The following MACF1 variants were observed in gnomAD, a reference collection of about 807,000 sequenced individuals.
MACF1 encodes microtubule-actin cross-linking factor 1.
In MACF1, 193 loss-of-function variants were observed where a neutral mutation model predicts 854.8. The observed-to-expected ratio is 0.23, with a 90% CI of 0.20 to 0.25. The LOEUF is 0.25. MACF1 is among the 10% of genes least tolerant of loss of function. MACF1 has a pLI of 1.00. For missense variants in MACF1, 7,722 were observed against 8,929.1 expected, an observed-to-expected ratio of 0.86 and a Z score of 5.45; for synonymous variants, 3,185 against 3,226.7, an observed-to-expected ratio of 0.99 and a Z score of 0.44.
At chr1:39,396,245 A>G (rs1642266774) in intron 58 of MACF1, among the ~76,000 whole-genome samples, 1 of 150,162 alleles carries the variant, frequency 6.7e-6, no homozygotes, top group African/African-American at 2.5e-5. Context: ...GCTTGAACCC[A>G]GGAGGTGGAG....
chr1:39,200,558 G>C (rs1353078001), upstream of MACF1, among the ~76,000 whole-genome samples: 1 of 151,930 alleles, frequency 6.6e-6, no homozygotes, highest in Non-Finnish European at 1.5e-5. Flanking sequence ...AATTAGCCGG[G>C]CGTGGTGGTG....
chr1:39,417,725 T>A (rs1464656280), intron 58 of MACF1, among the ~76,000 whole-genome samples: 34 of 94,976 alleles, frequency 3.6e-4, no homozygotes, highest in African/African-American at 1.9e-3. Flanking sequence ...TTTTTTTTTT[T>A]TTTTTTTTTT....
rs58746636 is a variant in MACF1 at position 39,330,549 on chromosome 1, T to C, written c.4615-654T>C. On this transcript the variant is annotated intron_variant, in intron 36 of 100. Coordinates refer to ENST00000564288, the MANE Select transcript of MACF1 (RefSeq NM_001394062.1). ...GTGTCTTTAAGAACATTTATGATGA[T>C]TTAGTCTTAGAAATAAGATTAAATC... Among the ~76,000 whole-genome samples, 252 of 152,316 alleles carry C rather than the reference T, an allele frequency of 1.7e-3. 2 individuals carry two copies. The highest frequency in any genetic ancestry group is 5.0e-3 in the African/African-American group (209 of 41,556).
At chr1:39,399,574 G>A (rs1023617868) in intron 58 of MACF1, among the ~76,000 whole-genome samples, 29 of 151,768 alleles carry the variant, frequency 1.9e-4, no homozygotes, top group African/African-American at 7.0e-4. Context: ...ACAGGGTTTC[G>A]CCACGTTGGC....
intron 35 of MACF1, 88 bp from the exon 36 acceptor site, chr1:39,327,130 T>C: frequency 7.7e-7 from 1 of 1,298,882 alleles, no homozygotes. Context: ...CCATCCAAGA[T>C]GAAGAAGTAG....
chr1:39,393,192 A>T lies in MACF1; in HGVS notation c.15816+4534A>T, dbSNP rs1202072108. On this transcript the variant is annotated intron_variant, in intron 58 of 100. Coordinates refer to ENST00000564288, the MANE Select transcript of MACF1 (RefSeq NM_001394062.1). ...CTTCCTGGGAAGGGTAAAAAAAAAA[A>T]AAAAATATATATATATATATATATA... Among the ~76,000 whole-genome samples, 497 of 84,158 alleles carry T rather than the reference A, an allele frequency of 5.9e-3. 4 individuals carry two copies. Among genetic ancestry groups the T allele is most frequent in the African/African-American group, 0.027 (471 of 17,580 alleles). 55.2% of individuals were successfully genotyped at this position (84,158 alleles called of 152,430 possible).
rs1184252907 is a variant in MACF1, at chr1:39,297,660, A to T, written c.2396A>T (p.Asn799Ile). Residue 799 changes from asparagine (N) to isoleucine (I), a missense_variant, in exon 21 of 101, where the codon AAC becomes ATC. By Grantham distance (149) the Asn-to-Ile change is moderately radical. This residue lies in a region of MACF1 where 1,137 missense variants were observed against 1,263.0 expected (regional missense o/e 0.90). Coordinates refer to ENST00000564288, the MANE Select transcript of MACF1 (RefSeq NM_001394062.1). ...CGAGAGCTGGAGTCATTCTTGAGGA[A>T]CCTCCAAGATTCCATTAAACGAAAA... ...DARELESFLR[N>I]LQDSIKRKYS... is the part of the protein sequence containing the mutation. 6.2e-7 allele frequency: 1 copy of T among 1,613,696 alleles called. No homozygotes were observed. The highest frequency in any genetic ancestry group is 2.2e-5 in the East Asian group (1 of 44,884).
chr1:39,234,513 C>G (rs1644829121), intron 2 of MACF1, among the ~76,000 whole-genome samples: 1 of 129,378 alleles, frequency 7.7e-6, no homozygotes, highest in Admixed American at 7.4e-5. Context: ...GCGCCCCTCA[C>G]CTCCCGGACG....
chr1:39,170,626 G>T (rs968611873), intron 2 of MACF1, among the ~76,000 whole-genome samples: 17 of 152,178 alleles, frequency 1.1e-4, no homozygotes, highest in African/African-American at 4.1e-4. Flanking sequence ...ATAGGAAAAA[G>T]GTGTTTAATG....
chr1:39,474,803 G>A (rs1445711974), intron 97 of MACF1, among the ~76,000 whole-genome samples: 1 of 152,186 alleles, frequency 6.6e-6, no homozygotes, highest in African/African-American at 2.4e-5. Context: ...AAGAAAAAAG[G>A]TTTTGAAAAA....
intron 2 of MACF1, among the ~76,000 whole-genome samples, chr1:39,164,364 C>T (rs895152720): frequency 1.3e-5 from 2 of 152,152 alleles, no homozygotes; most frequent in African/African-American, 4.8e-5. Context: ...CACTGAATAC[C>T]TCTCTGATAG....
At chr1:39,142,230 A>G (rs1159814124) in intron 2 of MACF1, among the ~76,000 whole-genome samples, 4 of 152,132 alleles carry the variant, frequency 2.6e-5, no homozygotes, top group Non-Finnish European at 2.9e-5. Context: ...TCTGGTAGCT[A>G]TTTCCCAAAC....
At chr1:39,372,452 C>A in intron 51 of MACF1, 27 bp from the exon 52 acceptor site, 2 of 1,369,598 alleles carry the variant, frequency 1.5e-6, no homozygotes, top group Non-Finnish European at 1.0e-6. Context: ...CCAGATACTA[C>A]ATTTGGCCAT....
chr1:39,204,258 A>G (rs1458081978), upstream of MACF1: 2 of 152,282 alleles, frequency 1.3e-5, no homozygotes, highest in African/African-American at 4.8e-5. Context: ...GATTACAGCC[A>G]TGAACCACTG....
At chr1:39,265,531 T>C (rs1645221027) in intron 6 of MACF1, among the ~76,000 whole-genome samples, 2 of 152,226 alleles carry the variant, frequency 1.3e-5, no homozygotes, top group Admixed American at 6.5e-5. Context: ...CTATCTTAAA[T>C]GTATTCCGAA....
intron 2 of MACF1, among the ~76,000 whole-genome samples, chr1:39,134,842 A>G (rs1643123992): frequency 6.6e-6 from 1 of 152,206 alleles, no homozygotes; most frequent in Non-Finnish European, 1.5e-5. Flanking sequence ...AGTGGCATCA[A>G]GTACATTCAC....
chr1:39,412,509 C>G (rs779373109), intron 58 of MACF1: 12 of 1,613,860 alleles, frequency 7.4e-6, no homozygotes, highest in Non-Finnish European at 1.0e-5. Flanking sequence ...AGCAGGTCTT[C>G]CAGGATCTCC....
At chr1:39,450,739 G>T (rs769038457) in intron 84 of MACF1, among the ~76,000 whole-genome samples, 4 of 150,850 alleles carry the variant, frequency 2.7e-5, no homozygotes, top group Non-Finnish European at 5.9e-5. Context: ...AGCTTCCCGA[G>T]TAGCTGGAAC....
chr1:39,441,356 A>G (rs764816433), intron 74 of MACF1, 31 bp downstream of exon 74: 3 of 1,560,440 alleles, frequency 1.9e-6, no homozygotes, highest in Admixed American at 1.7e-5. Flanking sequence ...CACCAAGGAA[A>G]TACAGGTTCT....
Sources: allele counts gnomAD v4.1 joint callset (sites outside exome capture counted in the v4.1 genomes callset), GRCh38; gene constraint gnomAD v4.1.1; regional missense constraint gnomAD v4.1.1; transcripts MANE v1.5; gene names NCBI Gene and HGNC (gene_info 2026-07-23, HGNC 2026-07-21).